GRIK2: variants seen among roughly 807,000 people sequenced by gnomAD.
The protein encoded by GRIK2 is glutamate ionotropic receptor kainate type subunit 2, also known as glutamate receptor ionotropic, kainate 2.
GRIK2 carries 32 observed loss-of-function variants against 100.3 expected under a neutral mutation model. The ratio of observed to expected loss-of-function variants is 0.32; its 90% CI spans 0.24 to 0.43. GRIK2 has a LOEUF of 0.43. Ranked by LOEUF, GRIK2 falls within the 20% of genes least tolerant of loss-of-function variation. The pLI, the probability that GRIK2 is intolerant of heterozygous loss-of-function variation, is 1.00. For missense variants in GRIK2, 843 were observed against 1,114.9 expected, an observed-to-expected ratio of 0.76 and a Z score of 3.47; for synonymous variants, 417 against 389.4, an observed-to-expected ratio of 1.07 and a Z score of -0.83.
At position 101,889,755 on chromosome 6, in the gene GRIK2, G is replaced by A; in HGVS notation, c.1640G>A (p.Gly547Asp). ...AGTATTTTGTACCGCAAGCCCAATGGTACAAACCCAGGCGTCTTCTCCTTC... is the reference window on the plus strand; with the variant it reads ...AGTATTTTGTACCGCAAGCCCAATGATACAAACCCAGGCGTCTTCTCCTTC... ...GISILYRKPN[G>D]TNPGVFSFLN... The change falls in exon 12 of 17, where the codon GGT becomes GAT. Residue 547 changes from glycine to aspartate, a missense_variant. Transcript: ENST00000369134. 1.2e-6 allele frequency: 2 copies of A among 1,612,924 alleles called. No individual in the cohort carries two copies. Among genetic ancestry groups the A allele is most frequent in the Non-Finnish European group, 1.7e-6 (2 of 1,179,164 alleles).
chr6:101,810,055 T>A (rs897035529), intron 9 of GRIK2, among the ~76,000 whole-genome samples: 12 of 150,420 alleles, frequency 8.0e-5, no homozygotes, highest in Non-Finnish European at 1.2e-4. Context: ...TTTTTTCTTT[T>A]AACCACTAAA....
intron 14 of GRIK2, among the ~76,000 whole-genome samples, chr6:101,996,379 A>C (rs959174902): frequency 2.6e-5 from 4 of 152,046 alleles, no homozygotes; most frequent in Non-Finnish European, 4.4e-5. Context: ...GTTTTTAACT[A>C]CTTTAATTAT....
intron 2 of GRIK2, among the ~76,000 whole-genome samples, chr6:101,534,670 CATATT>C: frequency 6.6e-6 from 1 of 151,876 alleles, no homozygotes; most frequent in South Asian, 2.1e-4. Context: ...TCCTTTGAAG[CATATT>C]ATCCTATAAA....
At chr6:101,528,321 AT>A (rs1323235597) in intron 2 of GRIK2, among the ~76,000 whole-genome samples, 1 of 152,194 alleles carries the variant, frequency 6.6e-6, no homozygotes, top group African/African-American at 2.4e-5. Flanking sequence ...AACACCCACT[AT>A]AGGATTTGGG....
At chr6:102,038,649 A>AAAC (rs919473720) in intron 15 of GRIK2, among the ~76,000 whole-genome samples, 1 of 138,210 alleles carries the variant, frequency 7.2e-6, no homozygotes, top group Non-Finnish European at 1.6e-5. Flanking sequence ...ACTTAATTAT[A>AAAC]AACAACAACA....
chr6:101,603,385 A>T (rs1779308268), intron 2 of GRIK2, among the ~76,000 whole-genome samples: 1 of 151,662 alleles, frequency 6.6e-6, no homozygotes, highest in Non-Finnish European at 1.5e-5. Flanking sequence ...AGTCTTGTAG[A>T]TCATTGGAGG....
chr6:101,700,233 A>ATAC (rs1461287556), intron 7 of GRIK2, among the ~76,000 whole-genome samples: 6 of 151,874 alleles, frequency 4.0e-5, no homozygotes, highest in South Asian at 2.1e-4. Context: ...ATTAATAATA[A>ATAC]TAATAATAAT....
intron 7 of GRIK2, among the ~76,000 whole-genome samples, chr6:101,723,224 CT>C (rs943173814): frequency 2.0e-5 from 3 of 151,808 alleles, no homozygotes; most frequent in East Asian, 1.9e-4. Flanking sequence ...AAAGATTTAT[CT>C]TTTTTTTCTC....
intron 12 of GRIK2, among the ~76,000 whole-genome samples, chr6:101,903,292 T>C (rs908607957): frequency 1.3e-5 from 2 of 151,866 alleles, no homozygotes; most frequent in African/African-American, 4.8e-5. Flanking sequence ...TTATTGGGTA[T>C]GTTATTGGCA....
intron 12 of GRIK2, among the ~76,000 whole-genome samples, chr6:101,912,622 A>T (rs1562483489): frequency 1.3e-5 from 2 of 151,544 alleles, no homozygotes; most frequent in South Asian, 4.1e-4. Context: ...CCTCAGTTTC[A>T]TGAAGAGATC....
At chr6:101,665,338 A>G (rs775115889) in intron 4 of GRIK2, among the ~76,000 whole-genome samples, 1 of 152,312 alleles carries the variant, frequency 6.6e-6, no homozygotes, top group African/African-American at 2.4e-5. Context: ...GCTGTTTACT[A>G]TACAATTTTC....
intron 14 of GRIK2, among the ~76,000 whole-genome samples, chr6:101,986,231 AT>A (rs1582669573): frequency 6.6e-6 from 1 of 151,970 alleles, no homozygotes; most frequent in South Asian, 2.1e-4. Context: ...ATGTAGACTT[AT>A]TTTTTATTTC....
At chr6:101,837,019 C>A (rs1247359340) in intron 10 of GRIK2, among the ~76,000 whole-genome samples, 1 of 152,032 alleles carries the variant, frequency 6.6e-6, no homozygotes, top group African/African-American at 2.4e-5. Context: ...TGGGCATATT[C>A]AATCCAGAAA....
At chr6:101,552,556 C>A (rs1776559559) in intron 2 of GRIK2, among the ~76,000 whole-genome samples, 1 of 152,110 alleles carries the variant, frequency 6.6e-6, no homozygotes, top group Non-Finnish European at 1.5e-5. Context: ...AAGGATAATC[C>A]TCCCCATTCA....
intron 4 of GRIK2, among the ~76,000 whole-genome samples, chr6:101,645,343 G>A (rs1781473775): frequency 6.6e-6 from 1 of 151,728 alleles, no homozygotes; most frequent in South Asian, 2.1e-4. Flanking sequence ...TCTCTCTCAG[G>A]AGATTAGCTT....
intron 2 of GRIK2, among the ~76,000 whole-genome samples, chr6:101,610,144 A>T (rs1416844939): frequency 1.3e-5 from 2 of 151,520 alleles, no homozygotes; most frequent in Non-Finnish European, 3.0e-5. Flanking sequence ...TATAATAGTA[A>T]ATATTCCACC....
intron 16 of GRIK2, among the ~76,000 whole-genome samples, chr6:102,064,580 T>G (rs192189015): frequency 6.6e-6 from 1 of 151,100 alleles, no homozygotes; most frequent in African/African-American, 2.4e-5. Context: ...ATAAAAAGAT[T>G]TAAAATAAAT....
At chr6:101,834,416 C>G (rs954651866) in intron 10 of GRIK2, among the ~76,000 whole-genome samples, 2 of 151,142 alleles carry the variant, frequency 1.3e-5, no homozygotes, top group Admixed American at 6.6e-5. Flanking sequence ...TTCCCAGCCT[C>G]TTATGATTTA....
chr6:101,954,172 A>T (rs1388228402), intron 14 of GRIK2, among the ~76,000 whole-genome samples: 1 of 152,160 alleles, frequency 6.6e-6, no homozygotes, highest in African/African-American at 2.4e-5. Context: ...AATTAGGAAG[A>T]TCATCAGTTT....
Sources: gnomAD v4.1 joint callset for allele counts (sites outside exome capture counted in the v4.1 genomes callset) on GRCh38, gnomAD v4.1.1 for gene constraint, MANE v1.5 for transcripts, NCBI Gene and HGNC (gene_info 2026-07-23, HGNC 2026-07-21) for gene names.